CD200R1: variants seen among roughly 807,000 people sequenced by gnomAD.
CD200R1 encodes the protein CD200 receptor 1.
A neutral mutation model predicts 38.1 loss-of-function variants in CD200R1; 30 were observed. The observed-to-expected ratio is 0.79, with a 90% CI of 0.59 to 1.07. CD200R1 has a LOEUF of 1.07. Ranked by LOEUF, CD200R1 falls within the 50% of genes least tolerant of loss-of-function variation. The probability of loss-of-function intolerance (pLI) is 0.00; values close to 1 mark genes in which losing one functional copy is unlikely to be tolerated. For synonymous variants in CD200R1, 128 were observed against 152.1 expected (o/e 0.84, Z 1.16); for missense variants, 372 against 415.4 (o/e 0.90, Z 0.91).
intron 1 of CD200R1, among the ~76,000 whole-genome samples, chr3:112,966,569 T>C (rs1933168320): frequency 6.6e-6 from 1 of 152,138 alleles, no homozygotes; most frequent in Admixed American, 6.5e-5. Flanking sequence ...TATTATGTAA[T>C]GGATAAACCT....
At chr3:112,934,599 G>A (rs1940532974) in intron 2 of CD200R1, among the ~76,000 whole-genome samples, 1 of 152,154 alleles carries the variant, frequency 6.6e-6, no homozygotes, top group African/African-American at 2.4e-5. Context: ...GGAGGCCAAG[G>A]AGGGTGCATT....
Position 112,921,529 on chromosome 3 carries a change from C to T in CD200R1, c.*2148G>A, listed in dbSNP as rs2107296511. 2 of 151,998 alleles carry T rather than the reference C, an allele frequency of 1.3e-5. No individual in the cohort carries two copies. Among genetic ancestry groups the T allele is most frequent in the East Asian group, 3.9e-4 (2 of 5,166 alleles). The allele number at this position is 151,998 out of a possible 1,614,324, so 9.4% of individuals were successfully genotyped here. On this transcript the variant is annotated 3_prime_UTR_variant, in exon 8 of 8. Transcript: ENST00000308611. ...TACAAAATGGGATGGGGAGAAAGCA[C>T]AGTAAATGAGACATATAAAATGTTA...
chr3:112,929,864 C>T (rs1940383717), intron 3 of CD200R1, among the ~76,000 whole-genome samples: 1 of 151,994 alleles, frequency 6.6e-6, no homozygotes, highest in Non-Finnish European at 1.5e-5. Flanking sequence ...TTGCCTTTAT[C>T]ATACAATGTA....
chr3:112,931,799 G>A (rs74769383), intron 2 of CD200R1, among the ~76,000 whole-genome samples: 1 of 152,020 alleles, frequency 6.6e-6, no homozygotes, highest in Non-Finnish European at 1.5e-5. Flanking sequence ...TTCTACTGGA[G>A]TATCAAAGGG....
intron 2 of CD200R1, among the ~76,000 whole-genome samples, chr3:112,945,856 C>T (rs1272812165): frequency 6.6e-6 from 1 of 151,906 alleles, no homozygotes; most frequent in Non-Finnish European, 1.5e-5. Context: ...GGTGAAACCC[C>T]GTCTCTACTA....
intron 5 of CD200R1, among the ~76,000 whole-genome samples, chr3:112,927,144 T>G (rs1676800927): frequency 6.6e-6 from 1 of 151,974 alleles, no homozygotes; most frequent in African/African-American, 2.4e-5. Flanking sequence ...CTGGAGAGAC[T>G]CCAAAGTCAA....
At chr3:112,952,895 T>C (rs1447471779) in intron 1 of CD200R1, among the ~76,000 whole-genome samples, 1 of 152,188 alleles carries the variant, frequency 6.6e-6, no homozygotes, top group Non-Finnish European at 1.5e-5. Flanking sequence ...TTATTTTCTA[T>C]CTGGATCCCT....
At chr3:112,946,470 T>A (rs747897867) in intron 2 of CD200R1, among the ~76,000 whole-genome samples, 2 of 152,132 alleles carry the variant, frequency 1.3e-5, no homozygotes, top group Non-Finnish European at 2.9e-5. Flanking sequence ...CTCAGCAATA[T>A]GCAAGCAAAC....
At chr3:112,968,808 A>G (rs1451796845) in intron 1 of CD200R1, among the ~76,000 whole-genome samples, 1 of 152,252 alleles carries the variant, frequency 6.6e-6, no homozygotes, top group African/African-American at 2.4e-5. Flanking sequence ...AAAAGAACTC[A>G]GATTTGAGAT....
intron 2 of CD200R1, among the ~76,000 whole-genome samples, chr3:112,944,029 C>A (rs2107320449): frequency 6.6e-6 from 1 of 151,896 alleles, no homozygotes; most frequent in South Asian, 2.1e-4. Flanking sequence ...CAGTACGAGG[C>A]CTAGATGGGT....
At chr3:112,926,192 C>T (rs16845095) in intron 5 of CD200R1, among the ~76,000 whole-genome samples, 6,097 of 152,224 alleles carry the variant, frequency 0.04, 264 homozygotes, top group East Asian at 0.22. Context: ...ATCTGACAAG[C>T]GTGCAAATCA....
chr3:112,946,154 C>T, intron 2 of CD200R1, among the ~76,000 whole-genome samples: 1 of 151,882 alleles, frequency 6.6e-6, no homozygotes, highest in East Asian at 1.9e-4. Context: ...TCCACAGATG[C>T]TCATATCCCT....
intron 2 of CD200R1, among the ~76,000 whole-genome samples, chr3:112,943,397 C>T (rs1344747767): frequency 6.6e-6 from 1 of 151,032 alleles, no homozygotes; most frequent in Non-Finnish European, 1.5e-5. Context: ...AAAAAAGAAA[C>T]CTAAAGAGAA....
chr3:112,923,364 T>G lies in CD200R1; in HGVS notation c.*313A>C. The G allele has an allele frequency of 5.3e-6, 1 of 188,790 alleles. No individual in the cohort carries two copies. The highest frequency in any genetic ancestry group is 1.1e-5 in the Non-Finnish European group (1 of 92,344). The allele number at this position is 188,790 out of a possible 1,614,324, so 11.7% of individuals were successfully genotyped here. On this transcript the variant is annotated 3_prime_UTR_variant, in exon 8 of 8. Coordinates refer to ENST00000308611, the MANE Select transcript of CD200R1 (RefSeq NM_138806.4). ...GGATACACAAGAAACTGTTCACACT[T>G]GCTCCTTCTTCAGTTATTTCTTGAG...
At chr3:112,935,238 G>A (rs375890677) in intron 2 of CD200R1, among the ~76,000 whole-genome samples, 81 of 152,196 alleles carry the variant, frequency 5.3e-4, no homozygotes, top group South Asian at 1.0e-3. Context: ...AAATCAAACA[G>A]ACCTAACAGA....
In CD200R1 at chr3:112,974,849, G is replaced by C; in HGVS notation, c.9C>G (p.Cys3Trp). The change falls in exon 1 of 8, where the codon TGC (cysteine) becomes TGG (tryptophan). Residue 3 changes from cysteine (C) to tryptophan (W), a missense_variant. Cys to Trp is a radical substitution (Grantham distance 215). Coordinates refer to ENST00000308611, the MANE Select transcript of CD200R1 (RefSeq NM_138806.4). ...GCCCTAGGTTAGCAGTTCTCCAAGG[G>C]CAGAGCATTTCTGTTTTCTCTTTTT... ML[C>W]PWRTANLGLL... 6.2e-7 allele frequency: 1 copy of C among 1,613,048 alleles called. No homozygotes were observed. Among genetic ancestry groups the C allele is most frequent in the Non-Finnish European group, 8.5e-7 (1 of 1,179,238 alleles).
intron 1 of CD200R1, among the ~76,000 whole-genome samples, chr3:112,953,441 T>C (rs991567893): frequency 3.3e-5 from 5 of 152,236 alleles, no homozygotes; most frequent in Admixed American, 6.5e-5. Flanking sequence ...TTGTCTTATT[T>C]GGGTGTGAGG....
chr3:112,952,260 A>G (rs903426244), intron 1 of CD200R1, among the ~76,000 whole-genome samples: 2 of 152,208 alleles, frequency 1.3e-5, no homozygotes, highest in East Asian at 1.9e-4. Flanking sequence ...GCTATTAAAA[A>G]TAGGATTTTC....
chr3:112,927,440 T>A (rs1940305742), intron 5 of CD200R1, among the ~76,000 whole-genome samples: 1 of 152,212 alleles, frequency 6.6e-6, no homozygotes, highest in East Asian at 1.9e-4. Flanking sequence ...TGAAGCTAAC[T>A]AGTTGACAAA....
Sources: allele counts gnomAD v4.1 joint callset (sites outside exome capture counted in the v4.1 genomes callset), GRCh38; gene constraint gnomAD v4.1.1; transcripts MANE v1.5; gene names NCBI Gene and HGNC (gene_info 2026-07-23, HGNC 2026-07-21).